The following TRIM33 variants were observed in gnomAD, a reference collection of about 807,000 sequenced individuals.
The protein encoded by TRIM33 is tripartite motif containing 33, also known as E3 ubiquitin-protein ligase TRIM33.
TRIM33 carries 20 observed loss-of-function variants against 125.4 expected under a neutral mutation model. The ratio of observed to expected loss-of-function variants is 0.16; its 90% CI spans 0.11 to 0.23. The LOEUF is 0.23. Among genes scored for constraint, TRIM33 ranks in the 10% least tolerant of loss-of-function variants. TRIM33 has a pLI of 1.00. For synonymous variants in TRIM33, 564 were observed against 513.9 expected (o/e 1.10, Z -1.32); for missense variants, 920 against 1,411.4 (o/e 0.65, Z 5.58).
At position 114,398,002 on chromosome 1, in the gene TRIM33, A is replaced by T; in HGVS notation, c.3121-12T>A. ...ACAACTTTCATCATCTAAAAAGGAT[A>T]CCAGAGTCAAAAAAAAAAAAGGGAA... On this transcript the variant is annotated splice_polypyrimidine_tract_variant and intron_variant, in intron 18 of 19. Coordinates refer to ENST00000358465, the MANE Select transcript of TRIM33 (RefSeq NM_015906.4). The T allele has an allele frequency of 6.5e-7, 1 of 1,547,940 alleles. No homozygotes were observed. Among genetic ancestry groups the T allele is most frequent in the Non-Finnish European group, 8.6e-7 (1 of 1,157,410 alleles).
chr1:114,501,987 T>A (rs1652746629), intron 1 of TRIM33, among the ~76,000 whole-genome samples: 1 of 152,178 alleles, frequency 6.6e-6, no homozygotes, highest in South Asian at 2.1e-4. Context: ...AGATGTGCAA[T>A]TTGTGGCCAA....
intron 1 of TRIM33, among the ~76,000 whole-genome samples, chr1:114,506,383 CAAAA>C (rs370539194): frequency 2.2e-5 from 2 of 89,882 alleles, no homozygotes; most frequent in East Asian, 4.3e-4. Flanking sequence ...AAAACTGTCT[CAAAA>C]AAAAAAAAAA....
intron 10 of TRIM33, among the ~76,000 whole-genome samples, chr1:114,423,051 T>C (rs77614825): frequency 1.3e-5 from 2 of 152,132 alleles, no homozygotes; most frequent in African/African-American, 4.8e-5. Context: ...CAAACATACA[T>C]AACCAGAAGC....
chr1:114,397,636 A>G lies in TRIM33; in HGVS notation c.*12T>C. On this transcript the variant is annotated 3_prime_UTR_variant, in exon 20 of 20. Transcript: ENST00000358465. ...TTTTTTTTTTAAACAATTGATTTAAATCCATGTCATTTTACTTTATATGTA... is the reference window on the plus strand; with the variant it reads ...TTTTTTTTTTAAACAATTGATTTAAGTCCATGTCATTTTACTTTATATGTA... The G allele has an allele frequency of 7.0e-7, 1 of 1,433,138 alleles. No individual in the cohort carries two copies. Among genetic ancestry groups the G allele is most frequent in the Non-Finnish European group, 9.5e-7 (1 of 1,048,442 alleles). The allele number at this position is 1,433,138 out of a possible 1,614,324, so 88.8% of individuals were successfully genotyped here. A position where few individuals can be genotyped will look rare whatever the true frequency, so the allele number is the denominator to read the frequency against.
chr1:114,504,165 AT>A (rs550970951), intron 1 of TRIM33, among the ~76,000 whole-genome samples: 1 of 149,592 alleles, frequency 6.7e-6, no homozygotes, highest in African/African-American at 2.5e-5. Flanking sequence ...TTATTTTTTT[AT>A]TTTTTTTATT....
At position 114,395,751 on chromosome 1, in the gene TRIM33, TA is replaced by T. The variant is rs1651510771; in HGVS notation, c.*1896del. On this transcript the variant is annotated 3_prime_UTR_variant, in exon 20 of 20. Coordinates refer to ENST00000358465, the MANE Select transcript of TRIM33 (RefSeq NM_015906.4). Reference sequence around the variant, plus strand: ...TTGGTATATTTTCAACGGCTTAAATTATTTTTTAAAAATTGAAAGAAAAGTG... The same window carrying T: ...TTGGTATATTTTCAACGGCTTAAATTTTTTTTAAAAATTGAAAGAAAAGTG... 5.3e-6 allele frequency: 1 copy of T among 189,728 alleles called. No individual in the cohort carries two copies. The highest frequency in any genetic ancestry group is 1.1e-5 in the Non-Finnish European group (1 of 90,354). 11.8% of individuals were successfully genotyped at this position (189,728 alleles called of 1,614,324 possible).
chr1:114,453,365 A>G (rs1219048285), intron 4 of TRIM33, among the ~76,000 whole-genome samples: 7 of 112,606 alleles, frequency 6.2e-5, no homozygotes, highest in African/African-American at 2.0e-4. Context: ...CTGTCTCAGG[A>G]AAAAAAAAAA....
intron 4 of TRIM33, among the ~76,000 whole-genome samples, chr1:114,451,147 C>T (rs1490472108): frequency 6.6e-6 from 1 of 152,092 alleles, no homozygotes; most frequent in Non-Finnish European, 1.5e-5. Flanking sequence ...GGTACTTCCT[C>T]CCCATGTGGA....
chr1:114,402,037 T>C (rs893256860), intron 16 of TRIM33, among the ~76,000 whole-genome samples: 1 of 152,198 alleles, frequency 6.6e-6, no homozygotes, highest in Non-Finnish European at 1.5e-5. Flanking sequence ...TCACAGATAG[T>C]GGATGAGGGT....
rs34473575 is a variant in TRIM33, at chr1:114,474,578, TAAAAAAA to T, written c.527-10197_527-10191del. Among the ~76,000 whole-genome samples, 12 of 78,980 alleles carry T rather than the reference TAAAAAAA, an allele frequency of 1.5e-4. No individual in the cohort carries two copies. In the Admixed American group the frequency reaches 1.7e-3, roughly 11 times the overall value. The allele number at this position is 78,980 out of a possible 152,430, so 51.8% of individuals were successfully genotyped here. ...GACTGAGCAAGACCTTGTCTCTATT[TAAAAAAA>T]AAAAAAAAAAAAAAAAGGCCAGGGG... On this transcript the variant is annotated intron_variant, in intron 1 of 19. Coordinates refer to ENST00000358465, the MANE Select transcript of TRIM33 (RefSeq NM_015906.4).
chr1:114,408,279 T>A (rs1652375420), intron 13 of TRIM33, among the ~76,000 whole-genome samples: 1 of 152,214 alleles, frequency 6.6e-6, no homozygotes, highest in African/African-American at 2.4e-5. Flanking sequence ...CTTATTTGCA[T>A]CTGATTCAAA....
chr1:114,407,283 A>C (rs1268168191), intron 13 of TRIM33, among the ~76,000 whole-genome samples, 183 bp from the exon 14 acceptor site: 1 of 152,150 alleles, frequency 6.6e-6, no homozygotes, highest in African/African-American at 2.4e-5. Flanking sequence ...AAACTCTTTA[A>C]AATTATGCAG....
At chr1:114,405,153 G>A in intron 15 of TRIM33, 1 of 333,024 alleles carries the variant, frequency 3.0e-6, no homozygotes, top group Non-Finnish European at 5.4e-6. Flanking sequence ...TTAATTTAGA[G>A]TTTTATCTAT....
intron 11 of TRIM33, among the ~76,000 whole-genome samples, chr1:114,414,965 C>T (rs1464336223): frequency 6.7e-6 from 1 of 149,748 alleles, no homozygotes; most frequent in East Asian, 1.9e-4. Context: ...TTAATCTTAC[C>T]AACATATCCA....
intron 1 of TRIM33, among the ~76,000 whole-genome samples, chr1:114,479,677 T>G (rs1027484627): frequency 2.0e-5 from 3 of 152,222 alleles, no homozygotes; most frequent in Admixed American, 6.5e-5. Context: ...CAATCATGAC[T>G]ATAACAATAC....
chr1:114,417,607 T>C (rs1043502133), intron 11 of TRIM33, among the ~76,000 whole-genome samples: 3 of 152,172 alleles, frequency 2.0e-5, no homozygotes, highest in African/African-American at 7.2e-5. Flanking sequence ...AAGAACTGGA[T>C]TTATAATTAG....
At chr1:114,414,578 C>T (rs1652810524) in intron 11 of TRIM33, among the ~76,000 whole-genome samples, 1 of 152,156 alleles carries the variant, frequency 6.6e-6, no homozygotes, top group South Asian at 2.1e-4. Context: ...TTTAACAATC[C>T]ACTAAGTTTT....
At chr1:114,440,873 T>C (rs1648609960) in intron 4 of TRIM33, among the ~76,000 whole-genome samples, 1 of 152,332 alleles carries the variant, frequency 6.6e-6, no homozygotes, top group South Asian at 2.1e-4. Context: ...ACATGGAATA[T>C]GTGAGGAGAT....
At chr1:114,413,431 G>A (rs146475111) in intron 11 of TRIM33, among the ~76,000 whole-genome samples, 1 of 151,534 alleles carries the variant, frequency 6.6e-6, no homozygotes, top group Non-Finnish European at 1.5e-5. Flanking sequence ...GGTGGTGCAT[G>A]CCTGTAATCC....
Sources: allele counts gnomAD v4.1 joint callset (sites outside exome capture counted in the v4.1 genomes callset), GRCh38; gene constraint gnomAD v4.1.1; transcripts MANE v1.5; gene names NCBI Gene and HGNC (gene_info 2026-07-23, HGNC 2026-07-21).